Variants in CLIC6 observed in about 807,000 individuals in gnomAD.
CLIC6 encodes the protein CLIC family member 6.
A neutral mutation model predicts 49.2 loss-of-function variants in CLIC6; 39 were observed. That is an observed-to-expected ratio of 0.79 (90% CI 0.61 to 1.04). The LOEUF is 1.04. Among genes scored for constraint, CLIC6 ranks in the 50% least tolerant of loss-of-function variants. The pLI, the probability that CLIC6 is intolerant of heterozygous loss-of-function variation, is 0.00. For synonymous variants in CLIC6, 446 were observed against 433.4 expected, an observed-to-expected ratio of 1.03 and a Z score of -0.36; for missense variants, 988 against 993.1, an observed-to-expected ratio of 0.99 and a Z score of 0.07.
intron 5 of CLIC6, among the ~76,000 whole-genome samples, chr21:34,711,944 T>C (rs1379091241): frequency 6.6e-6 from 1 of 152,236 alleles, no homozygotes; most frequent in Non-Finnish European, 1.5e-5. Context: ...TTTTGGTAAA[T>C]GCTTTTTAGT....
At position 34,669,658 on chromosome 21, in the gene CLIC6, G is replaced by A. The variant is rs1410577423; in HGVS notation, c.270G>A (p.Pro90=). Reference sequence around the variant, plus strand: ...AGACTGAGGCCGAGGAGGGAGCCCCGGAGGGTGCCGAGGTGCCCCAAGGAG... The same window carrying A: ...AGACTGAGGCCGAGGAGGGAGCCCCAGAGGGTGCCGAGGTGCCCCAAGGAG... ...HGETEAEEGA[P]EGAEVPQGGE... Residue 90 remains proline (P), a synonymous_variant, in exon 1 of 6, where the codon CCG becomes CCA. Coordinates refer to ENST00000349499, the MANE Select transcript of CLIC6 (RefSeq NM_053277.3). 7.5e-7 allele frequency: 1 copy of A among 1,325,684 alleles called. No individual in the cohort carries two copies. The highest frequency in any genetic ancestry group is 2.0e-5 in the South Asian group (1 of 49,456). 82.1% of individuals were successfully genotyped at this position (1,325,684 alleles called of 1,614,324 possible).
chr21:34,716,834 TCTCTCTC>T lies in CLIC6; in HGVS notation c.*353_*359del. 9.6e-6 allele frequency: 1 copy of T among 104,334 alleles called. No individual in the cohort carries two copies. The highest frequency in any genetic ancestry group is 1.1e-4 in the Admixed American group (1 of 9,210). 6.5% of individuals were successfully genotyped at this position (104,334 alleles called of 1,614,324 possible). A position where few individuals can be genotyped will look rare whatever the true frequency, so the allele number is the denominator to read the frequency against. ...GTTCCAAATCTTCAGTATCTTGTTCTCTCTCTCTCTCTCTCTCTCTCTCTCTATCACA... is the reference window on the plus strand; with the variant it reads ...GTTCCAAATCTTCAGTATCTTGTTCTTCTCTCTCTCTCTCTCTCTATCACA... On this transcript the variant is annotated 3_prime_UTR_variant, in exon 6 of 6. Coordinates refer to ENST00000349499, the MANE Select transcript of CLIC6 (RefSeq NM_053277.3).
At chr21:34,707,153 C>A in intron 1 of CLIC6, 127 bp from the exon 2 acceptor site, 1 of 752,200 alleles carries the variant, frequency 1.3e-6, no homozygotes. Context: ...AAAATGGCCT[C>A]AGGAGGATAT....
At chr21:34,715,470 C>G (rs1250519565) in intron 5 of CLIC6, among the ~76,000 whole-genome samples, 5 of 152,126 alleles carry the variant, frequency 3.3e-5, no homozygotes, top group South Asian at 4.1e-4. Flanking sequence ...GGAGAGAGAG[C>G]CTTCCCTAAT....
chr21:34,709,220 C>A, intron 4 of CLIC6, 137 bp from the exon 5 acceptor site: 1 of 674,880 alleles, frequency 1.5e-6, no homozygotes, highest in East Asian at 2.6e-5. Flanking sequence ...TATTCTACAT[C>A]CACCTGCTGC....
chr21:34,685,391 G>A (rs763847374), intron 1 of CLIC6, among the ~76,000 whole-genome samples: 8 of 152,194 alleles, frequency 5.3e-5, no homozygotes, highest in South Asian at 4.1e-4. Flanking sequence ...TTTGAAGGCC[G>A]CACAAACTAA....
chr21:34,707,872 C>A, intron 2 of CLIC6, 72 bp from the exon 3 acceptor site: 1 of 1,545,666 alleles, frequency 6.5e-7, no homozygotes, highest in Non-Finnish European at 8.9e-7. Context: ...CTGGTGAGGA[C>A]GCGGCTAAGC....
At chr21:34,705,652 G>C (rs545468504) in intron 1 of CLIC6, among the ~76,000 whole-genome samples, 1 of 152,180 alleles carries the variant, frequency 6.6e-6, no homozygotes, top group Non-Finnish European at 1.5e-5. Flanking sequence ...TCTGAATTCA[G>C]TAATCTGGGT....
At chr21:34,677,999 CT>C (rs1020453408) in intron 1 of CLIC6, among the ~76,000 whole-genome samples, 1 of 152,066 alleles carries the variant, frequency 6.6e-6, no homozygotes. Context: ...CATAAACAAA[CT>C]TTTTTTTGGA....
At chr21:34,671,956 G>C (rs1473179929) in intron 1 of CLIC6, among the ~76,000 whole-genome samples, 2 of 152,132 alleles carry the variant, frequency 1.3e-5, no homozygotes, top group African/African-American at 4.8e-5. Context: ...CCCCTGAGAG[G>C]CTGCTGGGAA....
At chr21:34,695,021 A>G (rs1990066078) in intron 1 of CLIC6, among the ~76,000 whole-genome samples, 2 of 152,244 alleles carry the variant, frequency 1.3e-5, no homozygotes, top group Non-Finnish European at 1.5e-5. Context: ...GCCATAACAA[A>G]TTACACCACA....
intron 1 of CLIC6, among the ~76,000 whole-genome samples, chr21:34,674,521 C>T (rs1424964181): frequency 1.3e-5 from 2 of 152,108 alleles, no homozygotes; most frequent in African/African-American, 2.4e-5. Flanking sequence ...ATATATTCTC[C>T]ATCTTTATGA....
intron 1 of CLIC6, among the ~76,000 whole-genome samples, chr21:34,684,856 G>C (rs1282973236): frequency 6.6e-6 from 1 of 152,166 alleles, no homozygotes; most frequent in Non-Finnish European, 1.5e-5. Context: ...TTTCTTTAAG[G>C]AGCAGCCCTT....
At chr21:34,701,340 G>A (rs1990187405) in intron 1 of CLIC6, among the ~76,000 whole-genome samples, 1 of 147,818 alleles carries the variant, frequency 6.8e-6, no homozygotes, top group African/African-American at 2.5e-5. Context: ...AAAAATCAGT[G>A]GTTCTTTAAG....
chr21:34,711,504 G>A (rs55798478), intron 5 of CLIC6, among the ~76,000 whole-genome samples: 2,044 of 151,830 alleles, frequency 0.013, 22 homozygotes, highest in Non-Finnish European at 0.022. Flanking sequence ...GGGCAACAGA[G>A]CAAGACTCTG....
chr21:34,696,753 C>T (rs1409447446), intron 1 of CLIC6, among the ~76,000 whole-genome samples: 1 of 152,128 alleles, frequency 6.6e-6, no homozygotes, highest in African/African-American at 2.4e-5. Flanking sequence ...TGCAACATAA[C>T]CATTTTGCTC....
chr21:34,712,117 T>C (rs1245405798), intron 5 of CLIC6, among the ~76,000 whole-genome samples: 1 of 152,164 alleles, frequency 6.6e-6, no homozygotes, highest in African/African-American at 2.4e-5. Context: ...GAGATTGCAG[T>C]TCATGGCTCC....
chr21:34,708,877 C>G, intron 4 of CLIC6, 71 bp downstream of exon 4: 1 of 1,066,448 alleles, frequency 9.4e-7, no homozygotes. Context: ...CCATACGCTC[C>G]TGGGGTATTC....
chr21:34,697,287 G>A (rs891272321), intron 1 of CLIC6, among the ~76,000 whole-genome samples: 1 of 152,302 alleles, frequency 6.6e-6, no homozygotes. Flanking sequence ...GCCAAAGCCA[G>A]GAGGGGAAAG....
Sources: gnomAD v4.1 joint callset for allele counts (sites outside exome capture counted in the v4.1 genomes callset) on GRCh38, gnomAD v4.1.1 for gene constraint, MANE v1.5 for transcripts, NCBI Gene and HGNC (gene_info 2026-07-23, HGNC 2026-07-21) for gene names.